ZMIZ1: variants seen among roughly 807,000 people sequenced by gnomAD.
The protein encoded by ZMIZ1 is zinc finger MIZ domain-containing protein 1.
In ZMIZ1, 17 loss-of-function variants were observed where a neutral mutation model predicts 113.9. The ratio of observed to expected loss-of-function variants is 0.15; its 90% confidence interval spans 0.10 to 0.22. The LOEUF (loss-of-function observed/expected upper bound fraction) is 0.22, where lower values mean the gene tolerates loss of function less well. ZMIZ1 is among the 10% of genes least tolerant of loss of function. ZMIZ1 has a pLI of 1.00. For missense variants in ZMIZ1, 1,059 were observed against 1,477.8 expected, an observed-to-expected ratio of 0.72 and a Z score of 4.65; for synonymous variants, 607 against 603.1, an observed-to-expected ratio of 1.01 and a Z score of -0.09.
intron 1 of ZMIZ1, among the ~76,000 whole-genome samples, chr10:79,100,575 G>T (rs1843329781): frequency 6.6e-6 from 1 of 152,220 alleles, no homozygotes; most frequent in Non-Finnish European, 1.5e-5. Context: ...TTGACTCAGG[G>T]TCAACAAGGA....
At chr10:79,092,216 T>C (rs547288619) in intron 1 of ZMIZ1, among the ~76,000 whole-genome samples, 1 of 152,220 alleles carries the variant, frequency 6.6e-6, no homozygotes, top group Non-Finnish European at 1.5e-5. Context: ...TGAGGAGTGC[T>C]GGAGACACAG....
At chr10:79,103,948 C>T (rs1843462045) in intron 1 of ZMIZ1, among the ~76,000 whole-genome samples, 1 of 152,222 alleles carries the variant, frequency 6.6e-6, no homozygotes, top group Non-Finnish European at 1.5e-5. Flanking sequence ...GGATGCGAGC[C>T]CTGGTGTCAC....
At position 79,293,587 on chromosome 10, in the gene ZMIZ1, G is replaced by T; in HGVS notation, c.1164G>T (p.Gln388His). The change falls in exon 12 of 25, where the codon CAG (glutamine) becomes CAT (histidine). Residue 388 changes from glutamine to histidine, a missense_variant. Gln to His is a conservative substitution (Grantham distance 24). Around this residue, in one of 6 missense-constraint regions of ZMIZ1, gnomAD observed 239 missense variants for 247.5 expected, o/e 0.97. Transcript: ENST00000334512. ...FGTHGQRMPQ[Q>H]TYPGPRPQSL... ...CACACGGGCAGCGGATGCCCCAGCA[G>T]ACCTACCCGGGCCCCCGGCCCCAGT... is the stretch of plus-strand genomic sequence containing the variant. 1 of 1,613,088 alleles carries T rather than the reference G, an allele frequency of 6.2e-7. No homozygotes were observed. Among genetic ancestry groups the T allele is most frequent in the Non-Finnish European group, 8.5e-7 (1 of 1,180,020 alleles).
chr10:79,213,110 G>A (rs1355737239), intron 6 of ZMIZ1, among the ~76,000 whole-genome samples: 2 of 152,110 alleles, frequency 1.3e-5, no homozygotes, highest in Non-Finnish European at 2.9e-5. Flanking sequence ...GGGTCACAGC[G>A]CCCCAGCCAC....
chr10:79,302,681 CTT>C (rs758621365), intron 18 of ZMIZ1, among the ~76,000 whole-genome samples: 146 of 41,778 alleles, frequency 3.5e-3, no homozygotes, highest in African/African-American at 0.012. Context: ...ACAGCTCATG[CTT>C]TTTTTTTTTT....
chr10:79,088,119 C>A (rs1259779383), intron 1 of ZMIZ1, among the ~76,000 whole-genome samples: 2 of 152,268 alleles, frequency 1.3e-5, no homozygotes, highest in Non-Finnish European at 2.9e-5. Context: ...TTCTTTTGCC[C>A]TTTCCCCTGC....
intron 4 of ZMIZ1, among the ~76,000 whole-genome samples, chr10:79,188,270 C>T (rs748689648): frequency 6.6e-6 from 1 of 152,302 alleles, no homozygotes; most frequent in Admixed American, 6.5e-5. Context: ...GCTTCTGTGC[C>T]TCTGGCTGCA....
At chr10:79,240,015 G>C (rs985325742) in intron 7 of ZMIZ1, among the ~76,000 whole-genome samples, 8 of 151,584 alleles carry the variant, frequency 5.3e-5, no homozygotes, top group African/African-American at 1.7e-4. Context: ...CTGCCTTCCC[G>C]GCTGCAGCGC....
At chr10:79,284,750 C>T (rs191344494) in intron 8 of ZMIZ1, among the ~76,000 whole-genome samples, 2,687 of 152,252 alleles carry the variant, frequency 0.018, 141 homozygotes, top group Admixed American at 0.11. Flanking sequence ...GGGTTTGACC[C>T]GGAAGACTGT....
chr10:79,106,054 C>T (rs1209485034), intron 1 of ZMIZ1, among the ~76,000 whole-genome samples: 2 of 152,212 alleles, frequency 1.3e-5, no homozygotes, highest in African/African-American at 2.4e-5. Flanking sequence ...CAGAAAGCCC[C>T]ATTCTGGCAT....
rs1423778929 is a variant in ZMIZ1 at position 79,315,627 on chromosome 10, A to G, written c.*2878A>G. 2 of 152,628 alleles carry G rather than the reference A, an allele frequency of 1.3e-5. No individual in the cohort carries two copies. The highest frequency in any genetic ancestry group is 4.8e-5 in the African/African-American group (2 of 41,392). The allele number at this position is 152,628 out of a possible 1,614,324, so 9.5% of individuals were successfully genotyped here. ...GTATCATGTTCCGTGTAGCCATTTT[A>G]TTTTTTAAGAAACTGCTAATACTTT... is the stretch of plus-strand genomic sequence containing the variant. On this transcript the variant is annotated 3_prime_UTR_variant, in exon 25 of 25. Transcript: ENST00000334512.
At chr10:79,303,103 G>A (rs962530776) in intron 18 of ZMIZ1, among the ~76,000 whole-genome samples, 3 of 151,560 alleles carry the variant, frequency 2.0e-5, no homozygotes, top group Non-Finnish European at 2.9e-5. Flanking sequence ...CTCACGATCC[G>A]CCCACCTCGG....
At chr10:79,272,433 G>C (rs1430003311) in intron 7 of ZMIZ1, among the ~76,000 whole-genome samples, 1 of 152,258 alleles carries the variant, frequency 6.6e-6, no homozygotes, top group Non-Finnish European at 1.5e-5. Flanking sequence ...CAGACTTTCG[G>C]AGTCCCTTAC....
chr10:79,306,513 T>C (rs1054862068), intron 22 of ZMIZ1, among the ~76,000 whole-genome samples, 169 bp downstream of exon 22: 2 of 152,238 alleles, frequency 1.3e-5, no homozygotes, highest in Non-Finnish European at 2.9e-5. Flanking sequence ...TGAGGGTACA[T>C]GGGCCTAGCC....
In ZMIZ1 at chr10:79,186,876, C is replaced by T. The variant is rs371161099; in HGVS notation, c.-49-14708C>T. Among the ~76,000 whole-genome samples the T allele has an allele frequency of 1.7e-3, 260 of 152,312 alleles. 2 individuals carry two copies. The highest frequency in any genetic ancestry group is 5.7e-3 in the African/African-American group (237 of 41,556). The stretch of plus-strand genomic sequence containing the variant: ...ATGTGGTTTTATTTCCAAAATAAGA[C>T]GGGCTTTCCCTGCCCACTCTCTTAA... On this transcript the variant is annotated intron_variant, in intron 4 of 24. Transcript: ENST00000334512.
intron 2 of ZMIZ1, among the ~76,000 whole-genome samples, chr10:79,123,770 C>T (rs1339991661): frequency 6.6e-6 from 1 of 152,220 alleles, no homozygotes; most frequent in Non-Finnish European, 1.5e-5. Flanking sequence ...CCTAAGTTGT[C>T]AGTCAGCAGA....
At chr10:79,298,833 T>G (rs2296427) in intron 15 of ZMIZ1, among the ~76,000 whole-genome samples, 15,114 of 152,124 alleles carry the variant, frequency 0.099, 1,027 homozygotes, top group East Asian at 0.23. Context: ...AGGAGGCGGG[T>G]GGAAGAAGAG....
chr10:79,281,546 G>C (rs749911530), intron 8 of ZMIZ1, among the ~76,000 whole-genome samples: 1 of 152,236 alleles, frequency 6.6e-6, no homozygotes, highest in Non-Finnish European at 1.5e-5. Flanking sequence ...TCAGCTCTCT[G>C]TAAGTCCAGC....
intron 7 of ZMIZ1, among the ~76,000 whole-genome samples, chr10:79,267,108 C>T (rs1851653596): frequency 6.6e-6 from 1 of 152,256 alleles, no homozygotes; most frequent in Non-Finnish European, 1.5e-5. Context: ...GACCAGCCTC[C>T]TGGCACTGCT....
Sources: allele counts gnomAD v4.1 joint callset (sites outside exome capture counted in the v4.1 genomes callset), GRCh38; gene constraint gnomAD v4.1.1; regional missense constraint gnomAD v4.1.1; transcripts MANE v1.5; gene names NCBI Gene and HGNC (gene_info 2026-07-23, HGNC 2026-07-21).